Variants in SATL1 observed in about 807,000 individuals in gnomAD.
The protein encoded by SATL1 is spermidine/spermine N1-acetyl transferase like 1, also known as spermidine/spermine N(1)-acetyltransferase-like protein 1.
SATL1 carries 47 observed loss-of-function variants against 51.8 expected under a neutral mutation model. That is an observed-to-expected ratio of 0.91 (90% CI 0.72 to 1.16). The LOEUF is 1.16. Among genes scored for constraint, SATL1 ranks in the 50% most tolerant of loss-of-function variants. The pLI is 0.00. For missense variants in SATL1, 520 were observed against 526.4 expected, an observed-to-expected ratio of 0.99 and a Z score of 0.12; for synonymous variants, 176 against 182.4, an observed-to-expected ratio of 0.97 and a Z score of 0.28.
chrX:85,170,725 G>A (rs916978435), intron 2 of SATL1, among the ~76,000 whole-genome samples: 4 of 111,564 alleles, frequency 3.6e-5, no homozygotes, highest in African/African-American at 1.3e-4. Flanking sequence ...TTGGATAAAT[G>A]AAATGCAAAT....
intron 2 of SATL1, among the ~76,000 whole-genome samples, chrX:85,188,217 A>G (rs1026251409): frequency 3.9e-4 from 44 of 111,653 alleles, no homozygotes; most frequent in African/African-American, 1.0e-3. Context: ...GGGTGGAAAT[A>G]TGTTACCCTG....
rs147806265 is a variant in SATL1, at chrX:85,202,328, T to C, written c.-313+21877A>G. On this transcript the variant is annotated intron_variant, in intron 2 of 7. Transcript: ENST00000644105. ...GTTTAATTATATCCCATTTGCCAAT[T>C]TTTGCTTTTGTTGAAGTTGCTCTTG... 4.8e-3 allele frequency among the ~76,000 whole-genome samples: 536 copies of C among 112,151 alleles called. 2 individuals are homozygous for C. The highest frequency in any genetic ancestry group is 0.014 in the Middle Eastern group (3 of 218).
At chrX:85,208,825 A>G (rs1306703050) in intron 2 of SATL1, 2 of 107,349 alleles carry the variant, frequency 1.9e-5, no homozygotes, top group Non-Finnish European at 3.9e-5. Flanking sequence ...AGATTGTAAA[A>G]TTTTTCTCCC....
Position 85,186,648 on chromosome X carries a change from G to C in SATL1, c.-313+37557C>G, listed in dbSNP as rs183525197. Among the ~76,000 whole-genome samples, 209 of 111,674 alleles carry C rather than the reference G, an allele frequency of 1.9e-3. 2 individuals are homozygous for C. The highest frequency in any genetic ancestry group is 6.2e-3 in the African/African-American group (191 of 30,745). On this transcript the variant is annotated intron_variant, in intron 2 of 7. Transcript: ENST00000644105. ...CAATAGGAAGTCCCACAGTCACTGT[G>C]GTCTCTTTCCCCTAAGTACACAGAT... is the stretch of plus-strand genomic sequence containing the variant.
chrX:85,106,189 T>A (rs916142161), intron 3 of SATL1, among the ~76,000 whole-genome samples: 1 of 112,249 alleles, frequency 8.9e-6, no homozygotes, highest in Admixed American at 9.5e-5. Flanking sequence ...AATGTGGATC[T>A]GTAATAATCT....
intron 2 of SATL1, among the ~76,000 whole-genome samples, chrX:85,155,206 TCA>T (rs1052917987): frequency 1.8e-5 from 2 of 111,691 alleles, no homozygotes; most frequent in African/African-American, 6.5e-5. Context: ...GAATTCCATA[TCA>T]CCATTTGACA....
intron 2 of SATL1, among the ~76,000 whole-genome samples, chrX:85,188,694 T>A (rs1461941385): frequency 1.8e-5 from 2 of 111,863 alleles, no homozygotes; most frequent in Non-Finnish European, 3.8e-5. Context: ...AAAAAAGAGA[T>A]CTAAAATATT....
chrX:85,120,307 G>A (rs868515720), intron 2 of SATL1, among the ~76,000 whole-genome samples: 4 of 111,160 alleles, frequency 3.6e-5, no homozygotes, highest in Admixed American at 9.7e-5. Context: ...GAATGTCCCC[G>A]GTTTAGAAGG....
intron 2 of SATL1, among the ~76,000 whole-genome samples, chrX:85,145,767 T>A (rs756066625): frequency 9.0e-6 from 1 of 111,686 alleles, no homozygotes; most frequent in Non-Finnish European, 1.9e-5. Flanking sequence ...TGCCATAATA[T>A]AGTAGTCCCC....
intron 2 of SATL1, among the ~76,000 whole-genome samples, chrX:85,164,680 T>C (rs964922463): frequency 1.5e-4 from 17 of 110,237 alleles, no homozygotes; most frequent in African/African-American, 5.3e-4. Flanking sequence ...CTTTCCTTAA[T>C]CTTGACTTTA....
intron 2 of SATL1, among the ~76,000 whole-genome samples, chrX:85,146,235 G>A (rs943047370): frequency 1.5e-4 from 17 of 111,701 alleles, no homozygotes; most frequent in Non-Finnish European, 1.9e-4. Flanking sequence ...TTTACCAATT[G>A]TTATTCTTGT....
chrX:85,211,334 C>T (rs772240154), intron 2 of SATL1: 1 of 54,753 alleles, frequency 1.8e-5, no homozygotes, highest in Admixed American at 2.1e-4. Context: ...ATATTATATG[C>T]CTAATGTCTG....
At chrX:85,111,699 T>G (rs1275102611) in intron 2 of SATL1, among the ~76,000 whole-genome samples, 1 of 112,065 alleles carries the variant, frequency 8.9e-6, no homozygotes, top group East Asian at 2.8e-4. Context: ...AAGATCTAGT[T>G]TAGGTAGTGA....
intron 2 of SATL1, among the ~76,000 whole-genome samples, chrX:85,156,813 TTA>T (rs71933802): frequency 3.2e-3 from 198 of 61,866 alleles, no homozygotes; most frequent in Middle Eastern, 7.8e-3. Context: ...CATGTGGAGA[TTA>T]TATATATATA....
At chrX:85,219,206 C>A (rs978841686) in intron 2 of SATL1, 1 of 111,909 alleles carries the variant, frequency 8.9e-6, no homozygotes, top group Admixed American at 9.5e-5. Context: ...TGTGGAAAAA[C>A]ACATATATGT....
intron 2 of SATL1, among the ~76,000 whole-genome samples, chrX:85,127,715 A>T (rs1925661606): frequency 9.0e-6 from 1 of 111,415 alleles, no homozygotes; most frequent in Non-Finnish European, 1.9e-5. Context: ...TTACTTATGT[A>T]TACATGTGCC....
intron 2 of SATL1, chrX:85,211,235 GACAT>G (rs1927915660): frequency 9.0e-6 from 1 of 111,560 alleles, no homozygotes; most frequent in Non-Finnish European, 1.9e-5. Flanking sequence ...TATATACATA[GACAT>G]ACATACAATA....
At chrX:85,117,056 G>A (rs1207916911) in intron 2 of SATL1, among the ~76,000 whole-genome samples, 2 of 111,466 alleles carry the variant, frequency 1.8e-5, no homozygotes, top group African/African-American at 6.5e-5. Context: ...CTTCCCAACC[G>A]CTAGTAGGCC....
intron 2 of SATL1, among the ~76,000 whole-genome samples, chrX:85,195,773 G>C (rs1048110306): frequency 3.6e-5 from 4 of 109,816 alleles, no homozygotes; most frequent in Non-Finnish European, 5.7e-5. Flanking sequence ...AATTGCCTGG[G>C]CGACAAGAGC....
Sources: gnomAD v4.1 joint callset for allele counts (sites outside exome capture counted in the v4.1 genomes callset) on GRCh38, gnomAD v4.1.1 for gene constraint, MANE v1.5 for transcripts, NCBI Gene and HGNC (gene_info 2026-07-23, HGNC 2026-07-21) for gene names.